Variants in FRMPD2 observed in about 807,000 individuals in gnomAD.
FRMPD2 encodes the protein FERM and PDZ domain-containing protein 2.
A neutral mutation model predicts 140.1 loss-of-function variants in FRMPD2; 96 were observed. The ratio of observed to expected loss-of-function variants is 0.69; its 90% confidence interval spans 0.58 to 0.81. FRMPD2 has a LOEUF of 0.81. Ranked by LOEUF, FRMPD2 falls within the 40% of genes least tolerant of loss-of-function variation. FRMPD2 has a pLI of 0.00. For synonymous variants in FRMPD2, 449 were observed against 547.6 expected (o/e 0.82, Z 2.52); for missense variants, 1,240 against 1,447.4 (o/e 0.86, Z 2.32).
At chr10:48,162,035 C>T (rs1380526621) in intron 28 of FRMPD2, among the ~76,000 whole-genome samples, 3 of 150,626 alleles carry the variant, frequency 2.0e-5, no homozygotes, top group Non-Finnish European at 4.4e-5. Flanking sequence ...CTCCTCCCTA[C>T]AGGAAAGTAC....
chr10:48,270,696 TC>T (rs891705931), intron 1 of FRMPD2, among the ~76,000 whole-genome samples: 1 of 151,078 alleles, frequency 6.6e-6, no homozygotes, highest in African/African-American at 2.4e-5. Flanking sequence ...GAATTCACCT[TC>T]CCCCCACCTC....
At chr10:48,173,649 A>G (rs1838326021) in intron 24 of FRMPD2, among the ~76,000 whole-genome samples, 2 of 152,172 alleles carry the variant, frequency 1.3e-5, no homozygotes, top group African/African-American at 4.8e-5. Flanking sequence ...CAAAAACTGA[A>G]CATGCAACAT....
chr10:48,254,286 A>G (rs940105572), intron 1 of FRMPD2, among the ~76,000 whole-genome samples: 1 of 152,228 alleles, frequency 6.6e-6, no homozygotes, highest in Admixed American at 6.5e-5. Context: ...CCTCAGGACT[A>G]CAGTGTGGGT....
In FRMPD2 at chr10:48,242,313, T is replaced by A; in HGVS notation, c.415A>T (p.Thr139Ser). The A allele has an allele frequency of 6.2e-7, 1 of 1,614,020 alleles. No homozygotes were observed. Among genetic ancestry groups the A allele is most frequent in the Non-Finnish European group, 8.5e-7 (1 of 1,179,964 alleles). ...LCEPLHSILL[T>S]MCEDQPHRRC... The stretch of plus-strand genomic sequence containing the variant: ...CTGTGAGGCTGGTCTTCACACATGG[T>A]CAGCAGGATGGAGTGCAGGGGCTCG... The change falls in exon 5 of 29, where the codon ACC becomes TCC. Residue 139 changes from threonine to serine, a missense_variant. Thr to Ser is a moderately conservative substitution (Grantham distance 58). Transcript: ENST00000374201.
At chr10:48,190,679 T>C (rs1348637218) in intron 16 of FRMPD2, among the ~76,000 whole-genome samples, 1 of 152,238 alleles carries the variant, frequency 6.6e-6, no homozygotes, top group Non-Finnish European at 1.5e-5. Flanking sequence ...GGGTTACTGG[T>C]AACTTCTGAT....
At chr10:48,236,951 G>A (rs941350601) in intron 8 of FRMPD2, among the ~76,000 whole-genome samples, 1 of 152,094 alleles carries the variant, frequency 6.6e-6, no homozygotes, top group African/African-American at 2.4e-5. Flanking sequence ...ATGTTTTCTA[G>A]CTCTAGATGT....
At chr10:48,263,734 G>A (rs73296386) in intron 1 of FRMPD2, among the ~76,000 whole-genome samples, 8,906 of 152,098 alleles carry the variant, frequency 0.059, 834 homozygotes, top group African/African-American at 0.2. Context: ...AAAAGATGAC[G>A]CTAATTATCT....
rs550655296 is a variant in FRMPD2 at position 48,235,276 on chromosome 10, A to G, written c.993+1206T>C. Among the ~76,000 whole-genome samples the G allele has an allele frequency of 1.4e-3, 210 of 152,334 alleles. 1 individual carries two copies. Among genetic ancestry groups the G allele is most frequent in the Non-Finnish European group, 2.6e-3 (174 of 68,032 alleles). On this transcript the variant is annotated intron_variant, in intron 9 of 28. Transcript: ENST00000374201. ...ATCCCACTTCATATTTTTTGTGCCC[A>G]TGCAGGTGGACCAGGCACACAGTGG...
intron 9 of FRMPD2, among the ~76,000 whole-genome samples, chr10:48,234,720 T>C (rs12268074): frequency 0.063 from 9,659 of 152,196 alleles, 1,052 homozygotes; most frequent in African/African-American, 0.22. Context: ...CATACCCTTC[T>C]TGCATCTTCC....
chr10:48,223,018 A>G, intron 11 of FRMPD2, 105 bp downstream of exon 11: 2 of 991,238 alleles, frequency 2.0e-6, no homozygotes, highest in Non-Finnish European at 3.0e-6. Flanking sequence ...TGTTATTTGT[A>G]TGTAATTTAC....
intron 1 of FRMPD2, among the ~76,000 whole-genome samples, chr10:48,262,732 C>A (rs1166045610): frequency 1.3e-5 from 2 of 152,102 alleles, no homozygotes; most frequent in Admixed American, 1.3e-4. Flanking sequence ...AGATATATCA[C>A]ATTTTGGGCC....
chr10:48,252,616 C>T (rs11101273), intron 1 of FRMPD2, among the ~76,000 whole-genome samples: 1 of 152,080 alleles, frequency 6.6e-6, no homozygotes, highest in Non-Finnish European at 1.5e-5. Context: ...CCAGCCTCCT[C>T]CAGCCTCAGG....
intron 9 of FRMPD2, among the ~76,000 whole-genome samples, chr10:48,233,239 C>G (rs1027776670): frequency 6.6e-6 from 1 of 152,174 alleles, no homozygotes; most frequent in Non-Finnish European, 1.5e-5. Context: ...CTCCAGGGGC[C>G]AGAGCAGATC....
intron 28 of FRMPD2, among the ~76,000 whole-genome samples, chr10:48,162,936 A>T (rs1464716942): frequency 6.7e-6 from 1 of 150,080 alleles, no homozygotes; most frequent in Admixed American, 6.6e-5. Context: ...AAAAAAAAAA[A>T]AAAAGCTGAT....
chr10:48,239,739 G>A (rs766983456), intron 6 of FRMPD2, 47 bp from the exon 7 acceptor site: 17 of 1,436,466 alleles, frequency 1.2e-5, no homozygotes, highest in Middle Eastern at 2.0e-4. Flanking sequence ...CCAAGATCAC[G>A]GCTTTCTTAA....
intron 10 of FRMPD2, among the ~76,000 whole-genome samples, chr10:48,223,995 G>T (rs1176017131): frequency 6.6e-6 from 1 of 152,208 alleles, no homozygotes; most frequent in Non-Finnish European, 1.5e-5. Flanking sequence ...GTCTATTTTT[G>T]AGCCATCCCC....
At chr10:48,194,946 T>C (rs1838918655) in intron 15 of FRMPD2, among the ~76,000 whole-genome samples, 1 of 152,198 alleles carries the variant, frequency 6.6e-6, no homozygotes, top group Non-Finnish European at 1.5e-5. Flanking sequence ...CCAAAGCCAC[T>C]AGCAAGCTGA....
rs556632397 is a variant in FRMPD2 at position 48,262,166 on chromosome 10, A to G, written c.26-10475T>C. On this transcript the variant is annotated intron_variant, in intron 1 of 28. Coordinates refer to ENST00000374201, the MANE Select transcript of FRMPD2 (RefSeq NM_001018071.4). Reference sequence around the variant, plus strand: ...TATGCCAGTTAAAAGACAGAAACTGACAGAGTAGATTAAAAAATAAAACCC... The same window carrying G: ...TATGCCAGTTAAAAGACAGAAACTGGCAGAGTAGATTAAAAAATAAAACCC... 4.6e-5 allele frequency among the ~76,000 whole-genome samples: 7 copies of G among 152,286 alleles called. No homozygotes were observed. The South Asian group carries it at 1.5e-3, about 32-fold the overall frequency.
chr10:48,236,645 C>T, intron 8 of FRMPD2, 92 bp from the exon 9 acceptor site: 1 of 1,155,718 alleles, frequency 8.7e-7, no homozygotes, highest in Non-Finnish European at 1.3e-6. Flanking sequence ...GCAGCCCCCA[C>T]CAGCATACAT....
Sources: gnomAD v4.1 joint callset for allele counts (sites outside exome capture counted in the v4.1 genomes callset) on GRCh38, gnomAD v4.1.1 for gene constraint, MANE v1.5 for transcripts, NCBI Gene and HGNC (gene_info 2026-07-23, HGNC 2026-07-21) for gene names.